The following PPP1R12B variants were observed in gnomAD, a reference collection of about 807,000 sequenced individuals.
PPP1R12B encodes protein phosphatase 1 regulatory subunit 12B.
PPP1R12B carries 76 observed loss-of-function variants against 126.1 expected under a neutral mutation model. The ratio of observed to expected loss-of-function variants is 0.60; its 90% CI spans 0.50 to 0.73. The LOEUF is 0.73. PPP1R12B is among the 30% of genes least tolerant of loss of function. The pLI, the probability that PPP1R12B is intolerant of heterozygous loss-of-function variation, is 0.00. For synonymous variants in PPP1R12B, 356 were observed against 434.7 expected, an observed-to-expected ratio of 0.82 and a Z score of 2.25; for missense variants, 1,052 against 1,205.1, an observed-to-expected ratio of 0.87 and a Z score of 1.88.
intron 1 of PPP1R12B, among the ~76,000 whole-genome samples, chr1:202,399,547 A>C (rs1380718220): frequency 2.0e-5 from 3 of 147,922 alleles, no homozygotes; most frequent in African/African-American, 5.0e-5. Context: ...CCCAGGCTGG[A>C]GTGCAATGGC....
intron 1 of PPP1R12B, among the ~76,000 whole-genome samples, chr1:202,380,038 C>T (rs1057412281): frequency 4.6e-5 from 7 of 152,112 alleles, no homozygotes; most frequent in Admixed American, 1.3e-4. Context: ...GTTTTTTTCC[C>T]TACCATTCCT....
chr1:202,555,245 T>C (rs1686763434), intron 18 of PPP1R12B, among the ~76,000 whole-genome samples: 1 of 140,244 alleles, frequency 7.1e-6, no homozygotes, highest in Non-Finnish European at 1.5e-5. Context: ...AGTAAAGCAA[T>C]GGAAATTATT....
At chr1:202,361,040 G>A (rs1571574916) in intron 1 of PPP1R12B, among the ~76,000 whole-genome samples, 2 of 151,828 alleles carry the variant, frequency 1.3e-5, no homozygotes, top group Admixed American at 6.6e-5. Flanking sequence ...ACAGGTGCCC[G>A]CCACCACACC....
intron 1 of PPP1R12B, among the ~76,000 whole-genome samples, chr1:202,378,309 T>C (rs1049314903): frequency 2.0e-5 from 3 of 151,010 alleles, no homozygotes; most frequent in Non-Finnish European, 4.4e-5. Flanking sequence ...GAACTTTCTT[T>C]CAGTCTTACC....
intron 18 of PPP1R12B, among the ~76,000 whole-genome samples, chr1:202,504,318 G>A (rs188367082): frequency 7.2e-5 from 11 of 152,134 alleles, no homozygotes; most frequent in Admixed American, 5.9e-4. Context: ...GCTTGAACCC[G>A]GGAGGCGGAG....
rs952335279 is a variant in PPP1R12B, at chr1:202,528,797, A to C, written c.2491-30080A>C. ...TTGTTTTTTACCTACAATGAGCAAA[A>C]ATAATCTGGACAAAAAAATAATGCT... On this transcript the variant is annotated intron_variant, in intron 18 of 23. Transcript: ENST00000608999. Among the ~76,000 whole-genome samples, 6 of 152,286 alleles carry C rather than the reference A, an allele frequency of 3.9e-5. 1 individual carries two copies. The highest frequency in any genetic ancestry group is 1.4e-4 in the African/African-American group (6 of 41,564).
intron 18 of PPP1R12B, among the ~76,000 whole-genome samples, chr1:202,519,585 T>G (rs1480900721): frequency 6.6e-6 from 1 of 152,204 alleles, no homozygotes; most frequent in African/African-American, 2.4e-5. Flanking sequence ...ATTTAAAAAT[T>G]ATTAATCCAC....
At chr1:202,370,280 A>C (rs1214770753) in intron 1 of PPP1R12B, 1 of 152,832 alleles carries the variant, frequency 6.5e-6, no homozygotes, top group African/African-American at 2.4e-5. Flanking sequence ...TCAACTGAAC[A>C]TAATGTTTTT....
intron 23 of PPP1R12B, among the ~76,000 whole-genome samples, chr1:202,574,014 T>C (rs552374918): frequency 7.2e-5 from 11 of 152,178 alleles, no homozygotes; most frequent in Admixed American, 7.2e-4. Context: ...TAGCAGTTTT[T>C]GGATCCTGAA....
At chr1:202,417,908 G>A (rs1668293018) in intron 2 of PPP1R12B, among the ~76,000 whole-genome samples, 1 of 152,204 alleles carries the variant, frequency 6.6e-6, no homozygotes, top group Admixed American at 6.5e-5. Flanking sequence ...GAGTTGCTAG[G>A]TTTGCTGCTG....
intron 1 of PPP1R12B, among the ~76,000 whole-genome samples, chr1:202,360,742 A>G (rs558309668): frequency 2.6e-5 from 4 of 152,052 alleles, no homozygotes; most frequent in Admixed American, 6.6e-5. Flanking sequence ...TGAATAAAAT[A>G]GTTAACATAG....
intron 23 of PPP1R12B, among the ~76,000 whole-genome samples, chr1:202,577,567 A>G (rs1332371211): frequency 6.7e-6 from 1 of 150,112 alleles, no homozygotes; most frequent in Non-Finnish European, 1.5e-5. Flanking sequence ...ATTTTACTCT[A>G]CCTTTTTTTT....
chr1:202,580,115 C>T (rs937102482), intron 23 of PPP1R12B, among the ~76,000 whole-genome samples: 2 of 152,132 alleles, frequency 1.3e-5, no homozygotes, highest in African/African-American at 4.8e-5. Flanking sequence ...TTGGCTCTCT[C>T]CCCAATTTCT....
chr1:202,528,061 G>T (rs1683537906), intron 18 of PPP1R12B, among the ~76,000 whole-genome samples: 3 of 152,162 alleles, frequency 2.0e-5, no homozygotes, highest in Admixed American at 6.5e-5. Context: ...CAGTTGTAAT[G>T]ATGGGTTTTG....
At chr1:202,389,926 C>CAAAA (rs35190931) in intron 1 of PPP1R12B, among the ~76,000 whole-genome samples, 1 of 95,844 alleles carries the variant, frequency 1.0e-5, no homozygotes, top group Non-Finnish European at 2.2e-5. Context: ...GACTCTGTCT[C>CAAAA]AAAAAAAAAA....
chr1:202,384,897 T>C (rs1332843256), intron 1 of PPP1R12B, among the ~76,000 whole-genome samples: 2 of 152,240 alleles, frequency 1.3e-5, no homozygotes, highest in Non-Finnish European at 2.9e-5. Context: ...CAGTGTACAC[T>C]TCCTCCAACT....
At chr1:202,365,363 G>T (rs963318919) in intron 1 of PPP1R12B, among the ~76,000 whole-genome samples, 7 of 151,832 alleles carry the variant, frequency 4.6e-5, no homozygotes, top group African/African-American at 1.7e-4. Context: ...GATTGCTTGT[G>T]CCAGGGTGGT....
chr1:202,558,989 C>T (rs1687244688), intron 19 of PPP1R12B, 96 bp downstream of exon 19: 2 of 1,260,806 alleles, frequency 1.6e-6, no homozygotes, highest in Admixed American at 5.2e-5. Context: ...AGTAATGTTT[C>T]TCACATCCTT....
At chr1:202,579,979 C>T (rs182672440) in intron 23 of PPP1R12B, among the ~76,000 whole-genome samples, 2 of 152,300 alleles carry the variant, frequency 1.3e-5, no homozygotes, top group East Asian at 3.9e-4. Flanking sequence ...GCAAGAAAGC[C>T]GAGTACTGCC....
Sources: allele counts gnomAD v4.1 joint callset (sites outside exome capture counted in the v4.1 genomes callset), GRCh38; gene constraint gnomAD v4.1.1; transcripts MANE v1.5; gene names NCBI Gene and HGNC (gene_info 2026-07-23, HGNC 2026-07-21).